Variants in COL6A1 observed in about 807,000 individuals in gnomAD.
The protein encoded by COL6A1 is collagen type VI alpha 1 chain.
Under a neutral mutation model 145.6 loss-of-function variants are expected in COL6A1, and 80 were observed. That is an observed-to-expected ratio of 0.55 (90% CI 0.46 to 0.66). The LOEUF is 0.66. Ranked by LOEUF, COL6A1 falls within the 30% of genes least tolerant of loss-of-function variation. COL6A1 has a pLI of 0.00. For missense variants in COL6A1, 1,364 were observed against 1,473.8 expected (o/e 0.93, Z 1.22); for synonymous variants, 638 against 622.8 (o/e 1.02, Z -0.36).
At chr21:45,998,331 G>A in intron 23 of COL6A1, 67 bp from the exon 24 acceptor site, 3 of 1,606,194 alleles carry the variant, frequency 1.9e-6, no homozygotes, top group South Asian at 1.1e-5. Context: ...CCCTTCCGCT[G>A]TGCGCCCCTC....
chr21:45,985,301 CAG>C (rs778087984), intron 3 of COL6A1, among the ~76,000 whole-genome samples: 2 of 149,528 alleles, frequency 1.3e-5, no homozygotes, highest in African/African-American at 5.0e-5. Flanking sequence ...GAGATAGAGA[CAG>C]AGAGGGAGAC....
chr21:45,984,585 AG>A, intron 3 of COL6A1, 116 bp downstream of exon 3: 1 of 983,386 alleles, frequency 1.0e-6, no homozygotes, highest in Non-Finnish European at 1.6e-6. Context: ...GTTCTCTTGG[AG>A]GCTGCACGGC....
At chr21:45,990,463 G>T in intron 13 of COL6A1, 41 bp downstream of exon 13, 2 of 1,109,610 alleles carry the variant, frequency 1.8e-6, no homozygotes, top group South Asian at 1.4e-5. Context: ...GGGACGAGGA[G>T]GAATGGGGCG....
intron 8 of COL6A1, 114 bp from the exon 9 acceptor site, chr21:45,988,970 A>G (rs887576237): frequency 3.5e-5 from 45 of 1,275,086 alleles, no homozygotes; most frequent in Non-Finnish European, 4.4e-5. Flanking sequence ...AAGGTGCTTT[A>G]AAGCCCTTGA....
intron 6 of COL6A1, 39 bp downstream of exon 6, chr21:45,987,214 A>G (rs745602733): frequency 6.3e-7 from 1 of 1,585,364 alleles, no homozygotes; most frequent in Non-Finnish European, 8.5e-7. Flanking sequence ...GTGAGTCTGC[A>G]CACGTCCACC....
At chr21:45,987,794 G>GATGGAGGGGACGGCGGGGC in intron 8 of COL6A1, 140 bp downstream of exon 8, 6 of 416,028 alleles carry the variant, frequency 1.4e-5, no homozygotes, top group Non-Finnish European at 2.3e-5. Context: ...GACGGCGGGG[G>GATGGAGGGGACGGCGGGGC]TCCAGATGGA....
rs910282812 is a variant in COL6A1, at chr21:46,004,558, G to A, written c.*545G>A. 5 of 318,720 alleles carry A rather than the reference G, an allele frequency of 1.6e-5. No individual in the cohort carries two copies. Among genetic ancestry groups the A allele is most frequent in the Admixed American group, 7.6e-5 (2 of 26,284 alleles). 19.7% of individuals were successfully genotyped at this position (318,720 alleles called of 1,614,324 possible). ...CAGTTACTTTACAATTAAACTCAAA[G>A]CAAGCTCTTCTCCTCAGCTTGGGGC... On this transcript the variant is annotated 3_prime_UTR_variant, in exon 35 of 35. Coordinates refer to ENST00000361866, the MANE Select transcript of COL6A1 (RefSeq NM_001848.3).
chr21:45,997,281 T>A, intron 20 of COL6A1, 140 bp from the exon 21 acceptor site: 1 of 805,856 alleles, frequency 1.2e-6, no homozygotes, highest in Admixed American at 1.9e-5. Flanking sequence ...TGGGCCTGGC[T>A]CTCCCCCTGC....
chr21:45,997,289 T>C, intron 20 of COL6A1, 132 bp from the exon 21 acceptor site: 1 of 842,910 alleles, frequency 1.2e-6, no homozygotes, highest in African/African-American at 1.7e-5. Flanking sequence ...GCTCTCCCCC[T>C]GCACTGATGG....
intron 34 of COL6A1, 83 bp from the exon 35 acceptor site, chr21:46,003,308 G>A: frequency 1.2e-6 from 2 of 1,603,316 alleles, no homozygotes; most frequent in Non-Finnish European, 1.7e-6. Flanking sequence ...GCCCTCTCTG[G>A]GGAGCTTAGA....
In COL6A1 at chr21:45,994,082, A is replaced by G; in HGVS notation, c.1336-85A>G. On this transcript the variant is annotated intron_variant, in intron 19 of 34. Transcript: ENST00000361866. This position sits in a 1 kb window ranked among gnomAD's most constrained non-coding sequence, Gnocchi z 6.8. Reference sequence around the variant, plus strand: ...GGAACAGCCCAGTGACCACCTGGACAGCATGCTGTGGCTCCCAGCGTGCCC... The same window carrying G: ...GGAACAGCCCAGTGACCACCTGGACGGCATGCTGTGGCTCCCAGCGTGCCC... 1.5e-6 allele frequency: 2 copies of G among 1,347,616 alleles called. No individual in the cohort carries two copies. Among genetic ancestry groups the G allele is most frequent in the South Asian group, 1.2e-5 (1 of 80,090 alleles). 83.5% of individuals were successfully genotyped at this position (1,347,616 alleles called of 1,614,324 possible). A position where few individuals can be genotyped will look rare whatever the true frequency, so the allele number is the denominator to read the frequency against.
intron 3 of COL6A1, among the ~76,000 whole-genome samples, chr21:45,985,207 G>A (rs1239671624): frequency 6.6e-6 from 1 of 151,522 alleles, no homozygotes; most frequent in African/African-American, 2.4e-5. Flanking sequence ...GAGACAGACA[G>A]AGGCAGAGAG....
chr21:45,997,592 G>A (rs1220948793), intron 21 of COL6A1, 108 bp from the exon 22 acceptor site: 2 of 1,529,812 alleles, frequency 1.3e-6, no homozygotes, highest in Non-Finnish European at 1.8e-6. Context: ...CTATGGCCCT[G>A]GGTGTCCTGG....
chr21:45,990,145 T>C, intron 11 of COL6A1, 113 bp from the exon 12 acceptor site: 2 of 1,290,502 alleles, frequency 1.5e-6, no homozygotes, highest in Non-Finnish European at 2.2e-6. Context: ...AGCAGTGATG[T>C]TGTCCCCTCG....
intron 9 of COL6A1, 95 bp from the exon 10 acceptor site, chr21:45,989,513 A>G: frequency 7.7e-7 from 1 of 1,301,376 alleles, no homozygotes; most frequent in Non-Finnish European, 1.1e-6. Flanking sequence ...CGGCCTGACC[A>G]GGCCTGGGCT....
chr21:45,999,804 T>A, intron 27 of COL6A1, 112 bp downstream of exon 27: 1 of 847,224 alleles, frequency 1.2e-6, no homozygotes, highest in East Asian at 3.7e-5. Flanking sequence ...GGGGGGTGGG[T>A]TGTGGACAAA....
At chr21:46,002,500 C>G (rs1182542880) in intron 32 of COL6A1, 27 bp from the exon 33 acceptor site, 1 of 1,613,644 alleles carries the variant, frequency 6.2e-7, no homozygotes, top group Non-Finnish European at 8.5e-7. Flanking sequence ...GCAGGCTGCG[C>G]CACACCGATA....
intron 24 of COL6A1, 62 bp downstream of exon 24, chr21:45,998,495 C>G: frequency 6.2e-7 from 1 of 1,605,328 alleles, no homozygotes; most frequent in Non-Finnish European, 8.5e-7. Context: ...CACAGGGACA[C>G]GCACGTGTGA....
In COL6A1 at chr21:46,002,274, A is replaced by G. The variant is rs2077851030; in HGVS notation, c.2123A>G (p.Gln708Arg). ...AGGTFTGEAL[Q>R]YTRDQLLPPS... ...GGCACCTTCACGGGGGAGGCCCTGCAGTACACGCGGGACCAGCTGCTGCCG... is the reference window on the plus strand; with the variant it reads ...GGCACCTTCACGGGGGAGGCCCTGCGGTACACGCGGGACCAGCTGCTGCCG... The change falls in exon 32 of 35, where the codon CAG becomes CGG. Residue 708 changes from glutamine (Q) to arginine (R), a missense_variant. Around this residue, in one of 3 missense-constraint regions of COL6A1, gnomAD observed 938 missense variants for 1,003.8 expected, o/e 0.93. Transcript: ENST00000361866. The G allele has an allele frequency of 6.2e-7, 1 of 1,600,036 alleles. No homozygotes were observed. Among genetic ancestry groups the G allele is most frequent in the Non-Finnish European group, 8.5e-7 (1 of 1,175,988 alleles).
Sources: allele counts gnomAD v4.1 joint callset (sites outside exome capture counted in the v4.1 genomes callset), GRCh38; gene constraint gnomAD v4.1.1; regional missense constraint gnomAD v4.1.1; non-coding constraint Gnocchi (gnomAD v3.1); transcripts MANE v1.5; gene names NCBI Gene and HGNC (gene_info 2026-07-23, HGNC 2026-07-21).